The following MCU variants were observed in gnomAD, a reference collection of about 807,000 sequenced individuals.
MCU encodes calcium uniporter protein, mitochondrial.
A neutral mutation model predicts 45.2 loss-of-function variants in MCU; 12 were observed. The ratio of observed to expected loss-of-function variants is 0.27; its 90% CI spans 0.17 to 0.43. The LOEUF (loss-of-function observed/expected upper bound fraction) is 0.43. Among genes scored for constraint, MCU ranks in the 20% least tolerant of loss-of-function variants. The pLI is 1.00. For synonymous variants in MCU, 160 were observed against 165.1 expected (o/e 0.97, Z 0.24); for missense variants, 324 against 436.7 (o/e 0.74, Z 2.30).
chr10:72,816,850 T>C (rs1466056977), intron 1 of MCU, among the ~76,000 whole-genome samples: 1 of 152,206 alleles, frequency 6.6e-6, no homozygotes, highest in Non-Finnish European at 1.5e-5. Context: ...AACAAACAAG[T>C]TCATATAAGT....
chr10:72,790,252 T>C (rs941598957), intron 1 of MCU, among the ~76,000 whole-genome samples: 15 of 152,276 alleles, frequency 9.9e-5, no homozygotes, highest in African/African-American at 3.6e-4. Context: ...CCAAAGAAGA[T>C]GGGGGAAAAC....
chr10:72,855,016 C>T (rs572308639), intron 2 of MCU, among the ~76,000 whole-genome samples: 39 of 152,070 alleles, frequency 2.6e-4, no homozygotes, highest in African/African-American at 8.7e-4. Flanking sequence ...CCAAGGCGGG[C>T]GGATCATTTG....
chr10:72,868,452 T>C lies in MCU; in HGVS notation c.497-251T>C, dbSNP rs565551139. ...CTGTAGTCCCAGCTACTTGGGAAGT[T>C]AACGTCGGAGGATTACTTGAGCCCT... On this transcript the variant is annotated intron_variant, in intron 4 of 7. Transcript: ENST00000373053. Among the ~76,000 whole-genome samples the C allele has an allele frequency of 7.3e-5, 11 of 151,526 alleles. 1 individual carries two copies. The South Asian group carries it at 2.3e-3, about 32-fold the overall frequency.
At chr10:72,754,698 A>G (rs1439348055) in intron 1 of MCU, among the ~76,000 whole-genome samples, 1 of 152,190 alleles carries the variant, frequency 6.6e-6, no homozygotes, top group Non-Finnish European at 1.5e-5. Flanking sequence ...TCCTGACCTC[A>G]GGTCATCCAC....
chr10:72,878,669 T>C (rs1432482467), intron 6 of MCU, among the ~76,000 whole-genome samples: 3 of 152,122 alleles, frequency 2.0e-5, no homozygotes, highest in African/African-American at 7.2e-5. Context: ...ATGGATGGGT[T>C]TAATAGCAGA....
intron 1 of MCU, among the ~76,000 whole-genome samples, chr10:72,833,988 C>T (rs992571671): frequency 2.6e-5 from 4 of 152,164 alleles, no homozygotes; most frequent in Non-Finnish European, 5.9e-5. Flanking sequence ...GAAAGGTAAC[C>T]GGAGGAAGAA....
intron 1 of MCU, among the ~76,000 whole-genome samples, chr10:72,744,407 A>G (rs2132701592): frequency 6.6e-6 from 1 of 152,286 alleles, no homozygotes; most frequent in East Asian, 1.9e-4. Flanking sequence ...AAAGTGCTAG[A>G]ATTTTTGGCT....
At chr10:72,873,564 C>T (rs888756507) in intron 6 of MCU, among the ~76,000 whole-genome samples, 1 of 152,154 alleles carries the variant, frequency 6.6e-6, no homozygotes, top group African/African-American at 2.4e-5. Context: ...GTTGTCTCCT[C>T]ACTCTGCTGA....
At chr10:72,860,715 C>A (rs1225504406) in intron 4 of MCU, among the ~76,000 whole-genome samples, 188 bp downstream of exon 4, 1 of 152,120 alleles carries the variant, frequency 6.6e-6, no homozygotes, top group Non-Finnish European at 1.5e-5. Context: ...AGTACGTCGA[C>A]AAAAATCACT....
chr10:72,739,886 A>G (rs1843302418), intron 1 of MCU, among the ~76,000 whole-genome samples: 1 of 151,846 alleles, frequency 6.6e-6, no homozygotes, highest in Non-Finnish European at 1.5e-5. Context: ...CCTGTTTGCC[A>G]GCTGGTCTTG....
intron 1 of MCU, chr10:72,730,988 A>T (rs1266383657): frequency 2.0e-5 from 3 of 152,200 alleles, no homozygotes; most frequent in Admixed American, 2.0e-4. Context: ...GAGTTTTGCC[A>T]TGTTGTCCAG....
chr10:72,712,317 A>G (rs528691658), intron 1 of MCU: 1 of 152,238 alleles, frequency 6.6e-6, no homozygotes, highest in African/African-American at 2.4e-5. Flanking sequence ...GTACTTCCTG[A>G]GAGAAGGCAG....
intron 2 of MCU, 48 bp downstream of exon 2, chr10:72,834,476 T>A: frequency 6.7e-7 from 1 of 1,500,696 alleles, no homozygotes; most frequent in South Asian, 1.2e-5. Context: ...ATTTCCTTCT[T>A]AGCTCAGTGT....
intron 1 of MCU, among the ~76,000 whole-genome samples, chr10:72,755,854 T>C (rs75206072): frequency 2.3e-4 from 35 of 151,578 alleles, no homozygotes; most frequent in African/African-American, 8.3e-4. Context: ...TTTTTTTTTT[T>C]CATTGAGACA....
At chr10:72,759,112 ACTC>A (rs1843618516) in intron 1 of MCU, among the ~76,000 whole-genome samples, 1 of 151,910 alleles carries the variant, frequency 6.6e-6, no homozygotes, top group African/African-American at 2.4e-5. Flanking sequence ...CGCAGACAAA[ACTC>A]CTCAAACACC....
chr10:72,743,343 G>A (rs1186711941), intron 1 of MCU, among the ~76,000 whole-genome samples: 1 of 142,198 alleles, frequency 7.0e-6, no homozygotes, highest in Non-Finnish European at 1.5e-5. Context: ...AACCTGGGAG[G>A]CAGAGGCTGC....
At chr10:72,746,906 G>A (rs1843422195) in intron 1 of MCU, among the ~76,000 whole-genome samples, 1 of 152,156 alleles carries the variant, frequency 6.6e-6, no homozygotes, top group Admixed American at 6.5e-5. Flanking sequence ...TAGGTTGCTA[G>A]GCATGAATTT....
intron 1 of MCU, among the ~76,000 whole-genome samples, chr10:72,808,715 A>G (rs892771344): frequency 6.6e-6 from 1 of 152,104 alleles, no homozygotes; most frequent in Non-Finnish European, 1.5e-5. Context: ...GGGAGGCGGA[A>G]TCATGGCTAG....
At chr10:72,715,860 G>T (rs906067409) in intron 1 of MCU, 1 of 985,442 alleles carries the variant, frequency 1.0e-6, no homozygotes, top group African/African-American at 1.7e-5. Flanking sequence ...TTAGGTATTG[G>T]TGATGTGACC....
Sources: allele counts gnomAD v4.1 joint callset (sites outside exome capture counted in the v4.1 genomes callset), GRCh38; gene constraint gnomAD v4.1.1; transcripts MANE v1.5; gene names NCBI Gene and HGNC (gene_info 2026-07-23, HGNC 2026-07-21).